Variants in EFHC1 observed in about 807,000 individuals in gnomAD.
The protein encoded by EFHC1 is EF-hand domain-containing protein 1.
Under a neutral mutation model 69.9 loss-of-function variants are expected in EFHC1, and 53 were observed. The ratio of observed to expected loss-of-function variants is 0.76; its 90% CI spans 0.61 to 0.95. The LOEUF (loss-of-function observed/expected upper bound fraction) is 0.95, where lower values mean the gene tolerates loss of function less well. Among genes scored for constraint, EFHC1 ranks in the 40% least tolerant of loss-of-function variants. The pLI is 0.00. For synonymous variants in EFHC1, 256 were observed against 278.4 expected (o/e 0.92, Z 0.80); for missense variants, 739 against 798.7 (o/e 0.93, Z 0.90).
chr6:52,466,297 T>C (rs535905906), intron 6 of EFHC1, among the ~76,000 whole-genome samples: 93 of 152,302 alleles, frequency 6.1e-4, no homozygotes, highest in Admixed American at 1.2e-3. Context: ...TTGCTTGCAG[T>C]TGGCCTCCAG....
intron 2 of EFHC1, chr6:52,429,944 T>TTTTG (rs1314619922): frequency 6.6e-6 from 1 of 152,046 alleles, no homozygotes; most frequent in African/African-American, 2.4e-5. Flanking sequence ...ATTTCTAAGT[T>TTTTG]TTTGTTTGTT....
chr6:52,453,571 T>G (rs1178413090), intron 4 of EFHC1: 53 of 1,279,852 alleles, frequency 4.1e-5, no homozygotes, highest in Non-Finnish European at 5.1e-5. Context: ...TATCTGTTAT[T>G]ATTTTGTATT....
rs570081577 is a variant in EFHC1 at position 52,444,126 on chromosome 6, G to C, written c.573+5535G>C. Among the ~76,000 whole-genome samples the C allele has an allele frequency of 7.9e-4, 120 of 152,212 alleles. 1 individual carries two copies. Among genetic ancestry groups the C allele is most frequent in the African/African-American group, 2.6e-3 (109 of 41,514 alleles). ...GTGTATAAGAATGCTTGTGATTTTC[G>C]CACATTGATTTTGTATCCTGAGACT... On this transcript the variant is annotated intron_variant, in intron 3 of 10. Transcript: ENST00000371068.
intron 7 of EFHC1, among the ~76,000 whole-genome samples, chr6:52,470,715 G>A (rs1356169225): frequency 2.0e-5 from 3 of 152,148 alleles, no homozygotes; most frequent in African/African-American, 7.2e-5. Flanking sequence ...AAAGGGAAAG[G>A]AACTCCTATG....
chr6:52,478,293 G>GA (rs1765588789), intron 7 of EFHC1, among the ~76,000 whole-genome samples: 1 of 151,814 alleles, frequency 6.6e-6, no homozygotes, highest in African/African-American at 2.4e-5. Flanking sequence ...GAGGAGGGGG[G>GA]AGGGATAGCA....
chr6:52,443,857 G>A (rs940144046), intron 3 of EFHC1, among the ~76,000 whole-genome samples: 1 of 152,188 alleles, frequency 6.6e-6, no homozygotes. Flanking sequence ...GGATGGCATT[G>A]AGTCTATAAA....
rs1766073778 is a variant in EFHC1 at position 52,496,787 on chromosome 6, C to T, written c.*4446C>T. Reference sequence around the variant, plus strand: ...TGAAGCTTGCCATGCATCAGAACCACTCACCTTCACCTCAAGCAAACATTT... The same window carrying T: ...TGAAGCTTGCCATGCATCAGAACCATTCACCTTCACCTCAAGCAAACATTT... On this transcript the variant is annotated 3_prime_UTR_variant, in exon 11 of 11. Transcript: ENST00000371068. 1 of 152,210 alleles carries T rather than the reference C, an allele frequency of 6.6e-6. No individual in the cohort carries two copies. The highest frequency in any genetic ancestry group is 2.4e-5 in the African/African-American group (1 of 41,434). The allele number at this position is 152,210 out of a possible 1,614,324, so 9.4% of individuals were successfully genotyped here.
intron 2 of EFHC1, among the ~76,000 whole-genome samples, chr6:52,427,989 T>C (rs2113970096): frequency 6.6e-6 from 1 of 152,262 alleles, no homozygotes; most frequent in East Asian, 1.9e-4. Flanking sequence ...TGTGACCTTG[T>C]AGTCACAATC....
Position 52,493,384 on chromosome 6 carries a change from A to T in EFHC1, c.*1043A>T, listed in dbSNP as rs1426399737. 1.4e-5 allele frequency: 3 copies of T among 220,058 alleles called. No individual in the cohort carries two copies. Among genetic ancestry groups the T allele is most frequent in the South Asian group, 1.1e-4 (2 of 17,398 alleles). The allele number at this position is 220,058 out of a possible 1,614,324, so 13.6% of individuals were successfully genotyped here. On this transcript the variant is annotated 3_prime_UTR_variant, in exon 11 of 11. Coordinates refer to ENST00000371068, the MANE Select transcript of EFHC1 (RefSeq NM_018100.4). ...TCTCTACATATATATATATATATAT[A>T]TTTTATATGTACACATTCATACACA...
At chr6:52,431,573 T>C (rs766916185) in intron 2 of EFHC1, among the ~76,000 whole-genome samples, 22 of 152,348 alleles carry the variant, frequency 1.4e-4, no homozygotes, top group Non-Finnish European at 2.5e-4. Flanking sequence ...GAGTGCTTGA[T>C]ATAATTTCAA....
chr6:52,468,670 G>A (rs1351614680), intron 6 of EFHC1: 1 of 153,248 alleles, frequency 6.5e-6, no homozygotes, highest in Admixed American at 6.5e-5. Flanking sequence ...AGAAAACTCA[G>A]ATGCTTAGCA....
intron 5 of EFHC1, among the ~76,000 whole-genome samples, chr6:52,461,302 A>T (rs945123735): frequency 6.6e-6 from 1 of 152,050 alleles, no homozygotes; most frequent in East Asian, 1.9e-4. Context: ...GCTTCCACTT[A>T]TAATTGAGAA....
chr6:52,469,999 G>C (rs146698419), intron 7 of EFHC1, among the ~76,000 whole-genome samples: 1 of 152,056 alleles, frequency 6.6e-6, no homozygotes, highest in East Asian at 1.9e-4. Flanking sequence ...AGAAGTTGCT[G>C]ATAGAAATTC....
intron 2 of EFHC1, among the ~76,000 whole-genome samples, chr6:52,427,926 C>T (rs1035924836): frequency 4.4e-5 from 5 of 114,892 alleles, no homozygotes; most frequent in African/African-American, 1.7e-4. Context: ...CTGAGCACTT[C>T]CTGGGAGTTA....
chr6:52,423,928 C>A lies in EFHC1; in HGVS notation c.64-18C>A, dbSNP rs778636613. ...TATTTGTCTAATGTTATTAATGACACATTCTTTTCTTCTTCAGAAAACAGC... is the reference window on the plus strand; with the variant it reads ...TATTTGTCTAATGTTATTAATGACAAATTCTTTTCTTCTTCAGAAAACAGC... On this transcript the variant is annotated intron_variant, in intron 1 of 10. Coordinates refer to ENST00000371068, the MANE Select transcript of EFHC1 (RefSeq NM_018100.4). 6.2e-7 allele frequency: 1 copy of A among 1,612,922 alleles called. No individual in the cohort carries two copies. Among genetic ancestry groups the A allele is most frequent in the Admixed American group, 1.7e-5 (1 of 59,978 alleles).
intron 4 of EFHC1, chr6:52,453,384 G>A: frequency 1.6e-6 from 2 of 1,287,196 alleles, no homozygotes; most frequent in Non-Finnish European, 2.0e-6. Context: ...GTGAGCTGAT[G>A]TGTATAAGCA....
chr6:52,452,613 T>A, intron 3 of EFHC1, 75 bp from the exon 4 acceptor site: 1 of 1,563,462 alleles, frequency 6.4e-7, no homozygotes. Context: ...ATACACTTAT[T>A]TTTATATAAT....
intron 3 of EFHC1, among the ~76,000 whole-genome samples, chr6:52,445,717 A>G (rs1764769149): frequency 2.0e-5 from 3 of 152,238 alleles, no homozygotes; most frequent in Non-Finnish European, 4.4e-5. Flanking sequence ...ATTTCCTTCT[A>G]CACACTGCTT....
chr6:52,462,971 T>A (rs1211743112), intron 5 of EFHC1, among the ~76,000 whole-genome samples: 7 of 152,116 alleles, frequency 4.6e-5, no homozygotes, highest in Admixed American at 3.9e-4. Context: ...CCAATAAATT[T>A]AAAAACTTAG....
Sources: gnomAD v4.1 joint callset for allele counts (sites outside exome capture counted in the v4.1 genomes callset) on GRCh38, gnomAD v4.1.1 for gene constraint, MANE v1.5 for transcripts, NCBI Gene and HGNC (gene_info 2026-07-23, HGNC 2026-07-21) for gene names.